Variants in ZBTB44 observed in about 807,000 individuals in gnomAD.
The protein encoded by ZBTB44 is zinc finger and BTB domain-containing protein 44.
Under a neutral mutation model 54.0 loss-of-function variants are expected in ZBTB44, and 15 were observed. The ratio of observed to expected loss-of-function variants is 0.28; its 90% CI spans 0.19 to 0.43. The LOEUF (loss-of-function observed/expected upper bound fraction) is 0.43. Among genes scored for constraint, ZBTB44 ranks in the 20% least tolerant of loss-of-function variants. The pLI, the probability that ZBTB44 is intolerant of heterozygous loss-of-function variation, is 1.00. For synonymous variants in ZBTB44, 230 were observed against 250.1 expected, an observed-to-expected ratio of 0.92 and a Z score of 0.76; for missense variants, 487 against 707.1, an observed-to-expected ratio of 0.69 and a Z score of 3.53.
intron 2 of ZBTB44, among the ~76,000 whole-genome samples, chr11:130,244,687 G>A (rs112622895): frequency 0.01 from 662 of 64,608 alleles, 31 homozygotes; most frequent in Middle Eastern, 0.028. Context: ...AAAAAAAAAA[G>A]AAAGAAAATG....
chr11:130,297,087 G>A (rs1281722361), intron 1 of ZBTB44: 5 of 604,546 alleles, frequency 8.3e-6, no homozygotes, highest in Non-Finnish European at 1.5e-5. Flanking sequence ...TTGAATAACT[G>A]TTCTAAAATG....
intron 1 of ZBTB44, among the ~76,000 whole-genome samples, chr11:130,284,134 C>CA (rs1476863352): frequency 6.6e-6 from 1 of 151,974 alleles, no homozygotes; most frequent in Non-Finnish European, 1.5e-5. Flanking sequence ...ACTAAAAATA[C>CA]AAAAAAGGCA....
chr11:130,281,912 T>C (rs1349895547), intron 1 of ZBTB44, among the ~76,000 whole-genome samples: 1 of 152,182 alleles, frequency 6.6e-6, no homozygotes, highest in African/African-American at 2.4e-5. Flanking sequence ...GCCTATTGTT[T>C]TGATGATGTG....
At chr11:130,295,382 A>C (rs1229874657) in intron 1 of ZBTB44, among the ~76,000 whole-genome samples, 1 of 152,208 alleles carries the variant, frequency 6.6e-6, no homozygotes. Context: ...GCAGTCTCCC[A>C]ATTCAGAATC....
intron 1 of ZBTB44, among the ~76,000 whole-genome samples, chr11:130,300,178 CT>C (rs1281615025): frequency 1.3e-5 from 2 of 152,166 alleles, no homozygotes; most frequent in Non-Finnish European, 2.9e-5. Context: ...TGGGGAGTTA[CT>C]GTTTAACGAG....
intron 1 of ZBTB44, among the ~76,000 whole-genome samples, chr11:130,293,306 T>TA (rs71061378): frequency 0.014 from 1,854 of 134,740 alleles, 36 homozygotes; most frequent in African/African-American, 0.046. Context: ...TACTAAAAAT[T>TA]AAAAAAAAAA....
At chr11:130,295,673 T>A (rs1315356446) in intron 1 of ZBTB44, 1 of 1,323,012 alleles carries the variant, frequency 7.6e-7, no homozygotes, top group South Asian at 1.2e-5. Flanking sequence ...AAATTCAGCA[T>A]GAAAGTATCA....
At position 130,275,446 on chromosome 11, in the gene ZBTB44, T is replaced by C. The variant is rs1939986139; in HGVS notation, c.-56-13517A>G. On this transcript the variant is annotated intron_variant, in intron 1 of 7. Transcript: ENST00000357899. Reference sequence around the variant, plus strand: ...CTCCTGCCTTGGCCTCCCAAAGTGCTGAGATTAAAGGAGTGGGCTACCATG... The same window carrying C: ...CTCCTGCCTTGGCCTCCCAAAGTGCCGAGATTAAAGGAGTGGGCTACCATG... Among the ~76,000 whole-genome samples the C allele has an allele frequency of 2.0e-5, 3 of 152,344 alleles. No individual in the cohort carries two copies. In the South Asian group the frequency reaches 6.2e-4, roughly 32 times the overall value.
intron 1 of ZBTB44, among the ~76,000 whole-genome samples, chr11:130,305,017 G>A (rs1377327217): frequency 6.6e-6 from 1 of 151,928 alleles, no homozygotes; most frequent in Non-Finnish European, 1.5e-5. Flanking sequence ...AGCTGCCAAA[G>A]AAAAATTAAA....
chr11:130,283,759 A>T (rs1483935717), intron 1 of ZBTB44, among the ~76,000 whole-genome samples: 1 of 151,702 alleles, frequency 6.6e-6, no homozygotes, highest in Admixed American at 6.6e-5. Flanking sequence ...TGAGGTCAGG[A>T]ATTTGAGATC....
At chr11:130,303,123 G>A (rs1203615174) in intron 1 of ZBTB44, among the ~76,000 whole-genome samples, 3 of 152,166 alleles carry the variant, frequency 2.0e-5, no homozygotes, top group Non-Finnish European at 4.4e-5. Flanking sequence ...GAATAGGCAA[G>A]GATCAGATAC....
intron 3 of ZBTB44, chr11:130,239,187 C>CA (rs1225581462): frequency 6.6e-6 from 1 of 152,592 alleles, no homozygotes; most frequent in Admixed American, 6.5e-5. Flanking sequence ...GAACAATCCT[C>CA]AGAGATTTTG....
chr11:130,306,405 G>A (rs186961918), intron 1 of ZBTB44, among the ~76,000 whole-genome samples: 10 of 152,130 alleles, frequency 6.6e-5, no homozygotes, highest in Non-Finnish European at 1.2e-4. Flanking sequence ...GGGAGGCTGA[G>A]GCAGGAGAAT....
In ZBTB44 at chr11:130,227,502, TGCTATAACTG is replaced by T. The variant is rs1349837495; in HGVS notation, c.*4252_*4261del. ...TGCCAGTGCCCAGAAAGAATCACAATGCTATAACTGGCAGGGTAAAAAAGTCCCCCCGCCC... is the reference window on the plus strand; with the variant it reads ...TGCCAGTGCCCAGAAAGAATCACAATGCAGGGTAAAAAAGTCCCCCCGCCC... On this transcript the variant is annotated 3_prime_UTR_variant, in exon 8 of 8. Coordinates refer to ENST00000357899, the MANE Select transcript of ZBTB44 (RefSeq NM_001301098.2). The T allele has an allele frequency of 2.0e-5, 3 of 152,206 alleles. 1 individual carries two copies. In the South Asian group the frequency reaches 6.2e-4, roughly 31 times the overall value. The allele number at this position is 152,206 out of a possible 1,614,324, so 9.4% of individuals were successfully genotyped here.
chr11:130,262,351 C>T lies in ZBTB44; in HGVS notation c.-56-422G>A, dbSNP rs530861305. ...ATGGGGTTTCACCATGTTGGCCAGG[C>T]TGGTCTTGAACTCCTGACCTCAGGT... On this transcript the variant is annotated intron_variant, in intron 1 of 7. Coordinates refer to ENST00000357899, the MANE Select transcript of ZBTB44 (RefSeq NM_001301098.2). Among the ~76,000 whole-genome samples the T allele has an allele frequency of 4.6e-5, 7 of 152,228 alleles. No homozygotes were observed. In the East Asian group the frequency reaches 1.4e-3, roughly 29 times the overall value.
intron 1 of ZBTB44, among the ~76,000 whole-genome samples, chr11:130,264,875 G>A (rs968965983): frequency 3.3e-5 from 5 of 152,084 alleles, no homozygotes; most frequent in Non-Finnish European, 7.4e-5. Flanking sequence ...AAGTCTACTG[G>A]TGCCACTTTC....
chr11:130,267,616 T>C (rs1852014092), intron 1 of ZBTB44, among the ~76,000 whole-genome samples: 1 of 152,082 alleles, frequency 6.6e-6, no homozygotes, highest in African/African-American at 2.4e-5. Context: ...GGGGTATCCC[T>C]ATGTTGCCCA....
intron 1 of ZBTB44, among the ~76,000 whole-genome samples, chr11:130,265,855 T>C (rs1213774456): frequency 6.6e-6 from 1 of 152,054 alleles, no homozygotes; most frequent in Non-Finnish European, 1.5e-5. Flanking sequence ...ATTCATGAGG[T>C]TGAAGGAAAG....
intron 1 of ZBTB44, among the ~76,000 whole-genome samples, chr11:130,286,495 T>C (rs1035889862): frequency 6.6e-6 from 1 of 152,224 alleles, no homozygotes; most frequent in Non-Finnish European, 1.5e-5. Flanking sequence ...AGATCTGCCA[T>C]AGACACTCGT....
Sources: allele counts gnomAD v4.1 joint callset (sites outside exome capture counted in the v4.1 genomes callset), GRCh38; gene constraint gnomAD v4.1.1; transcripts MANE v1.5; gene names NCBI Gene and HGNC (gene_info 2026-07-23, HGNC 2026-07-21).